Variants in LPP observed in about 807,000 individuals in gnomAD.
The protein encoded by LPP is LIM domain containing preferred translocation partner in lipoma, also known as lipoma-preferred partner.
In LPP, 38 loss-of-function variants were observed where a neutral mutation model predicts 60.4. The observed-to-expected ratio is 0.63, with a 90% CI of 0.49 to 0.83. LPP has a LOEUF of 0.83. Among genes scored for constraint, LPP ranks in the 40% least tolerant of loss-of-function variants. The pLI is 0.00. For missense variants in LPP, 902 were observed against 783.6 expected, an observed-to-expected ratio of 1.15 and a Z score of -1.80; for synonymous variants, 328 against 290.8, an observed-to-expected ratio of 1.13 and a Z score of -1.30.
intron 1 of LPP, among the ~76,000 whole-genome samples, chr3:188,186,021 C>A (rs574614307): frequency 2.4e-4 from 37 of 152,254 alleles, no homozygotes; most frequent in Middle Eastern, 3.4e-3. Flanking sequence ...GAGTGTCAGG[C>A]CTGCGGCTTC....
chr3:188,555,771 C>T (rs145015552), intron 6 of LPP, among the ~76,000 whole-genome samples: 60 of 152,040 alleles, frequency 3.9e-4, no homozygotes, highest in South Asian at 1.9e-3. Flanking sequence ...TTTAGAGATT[C>T]GAGTATTGGT....
intron 1 of LPP, among the ~76,000 whole-genome samples, chr3:188,196,392 T>C (rs530650924): frequency 6.6e-6 from 1 of 152,296 alleles, no homozygotes; most frequent in African/African-American, 2.4e-5. Context: ...CTGGGACTCA[T>C]TCCGGATGGC....
At chr3:188,721,448 T>C (rs2137557) in intron 8 of LPP, among the ~76,000 whole-genome samples, 104,567 of 151,944 alleles carry the variant, frequency 0.69, 36,011 homozygotes, top group Middle Eastern at 0.78. Flanking sequence ...CAGCTACTCA[T>C]GAGGCTGAGA....
chr3:188,390,460 T>C (rs1171804914), intron 3 of LPP, among the ~76,000 whole-genome samples: 2 of 152,122 alleles, frequency 1.3e-5, no homozygotes, highest in African/African-American at 4.8e-5. Flanking sequence ...AGTATTTCAC[T>C]TGATCAGCAT....
intron 1 of LPP, among the ~76,000 whole-genome samples, chr3:188,211,148 C>T (rs1734588417): frequency 6.6e-6 from 1 of 152,134 alleles, no homozygotes; most frequent in South Asian, 2.1e-4. Context: ...ATGATTGGAC[C>T]ATTTCTAGAT....
Position 188,282,773 on chromosome 3 carries a change from T to G in LPP, c.-67+57246T>G, listed in dbSNP as rs113005762. Among the ~76,000 whole-genome samples the G allele has an allele frequency of 2.6e-3, 394 of 152,306 alleles. 11 individuals are homozygous for G. The highest frequency in any genetic ancestry group is 9.0e-3 in the African/African-American group (374 of 41,560). Reference sequence around the variant, plus strand: ...TTCCACCTTCTCAGAAACATCTGACTTCACATTTGGTGTCAGTCTCTCTCC... The same window carrying G: ...TTCCACCTTCTCAGAAACATCTGACGTCACATTTGGTGTCAGTCTCTCTCC... On this transcript the variant is annotated intron_variant, in intron 2 of 11. Coordinates refer to ENST00000617246, the MANE Select transcript of LPP (RefSeq NM_001375462.1).
intron 2 of LPP, among the ~76,000 whole-genome samples, chr3:188,309,441 A>C (rs771224587): frequency 1.3e-5 from 2 of 152,218 alleles, no homozygotes; most frequent in Admixed American, 1.3e-4. Context: ...GGCTATGGGC[A>C]TGATGACAGT....
intron 1 of LPP, among the ~76,000 whole-genome samples, chr3:188,189,924 G>A (rs965889025): frequency 3.6e-4 from 55 of 152,136 alleles, no homozygotes; most frequent in Non-Finnish European, 1.6e-4. Flanking sequence ...TTGGGGGACA[G>A]GGAATGAAAG....
chr3:188,598,588 A>G (rs1373735467), intron 6 of LPP, among the ~76,000 whole-genome samples: 2 of 152,172 alleles, frequency 1.3e-5, no homozygotes, highest in African/African-American at 4.8e-5. Flanking sequence ...CTTGAAACAT[A>G]ACTGATTTAT....
intron 1 of LPP, among the ~76,000 whole-genome samples, chr3:188,173,171 T>G (rs1048449181): frequency 6.6e-6 from 1 of 152,144 alleles, no homozygotes; most frequent in African/African-American, 2.4e-5. Context: ...GCCTGGCCCA[T>G]ATTCCTTAAT....
intron 9 of LPP, among the ~76,000 whole-genome samples, chr3:188,763,678 G>T (rs13095801): frequency 0.017 from 2,593 of 151,804 alleles, 49 homozygotes; most frequent in Non-Finnish European, 0.028. Flanking sequence ...TTCATTTTTA[G>T]ATTTTTATCT....
chr3:188,179,094 CAGAGAGAGAG>C (rs151265768), intron 1 of LPP: 2 of 264,400 alleles, frequency 7.6e-6, no homozygotes, highest in South Asian at 2.8e-5. Flanking sequence ...GGGAGAGAGA[CAGAGAGAGAG>C]AGAGAGAGAG....
intron 6 of LPP, among the ~76,000 whole-genome samples, chr3:188,548,008 T>C (rs554380169): frequency 6.6e-6 from 1 of 152,310 alleles, no homozygotes; most frequent in South Asian, 2.1e-4. Context: ...AGAAAAGACC[T>C]AATGCTTATT....
intron 4 of LPP, among the ~76,000 whole-genome samples, chr3:188,410,696 G>C (rs1327722250): frequency 6.6e-6 from 1 of 151,934 alleles, no homozygotes; most frequent in Non-Finnish European, 1.5e-5. Context: ...TCAATGCTTT[G>C]TGCTTACGAA....
Position 188,887,899 on chromosome 3 carries a change from G to C in LPP, c.*13420G>C, listed in dbSNP as rs1330918632. 2 of 210,432 alleles carry C rather than the reference G, an allele frequency of 9.5e-6. No homozygotes were observed. Among genetic ancestry groups the C allele is most frequent in the African/African-American group, 4.5e-5 (2 of 44,036 alleles). 13.0% of individuals were successfully genotyped at this position (210,432 alleles called of 1,614,324 possible). On this transcript the variant is annotated 3_prime_UTR_variant, in exon 12 of 12. Coordinates refer to ENST00000617246, the MANE Select transcript of LPP (RefSeq NM_001375462.1). ...TATCCAAGACTCATTTCTTTATTAG[G>C]CAAAGTCAGAATATTTCCCCTCTGA...
chr3:188,390,579 G>A (rs554884953), intron 3 of LPP, among the ~76,000 whole-genome samples: 3 of 151,138 alleles, frequency 2.0e-5, no homozygotes, highest in East Asian at 3.9e-4. Context: ...CTGCTGGACC[G>A]GGTGCCAGAA....
chr3:188,203,499 ATAAATATATATATT>A (rs1289012147), intron 1 of LPP, among the ~76,000 whole-genome samples: 1 of 63,218 alleles, frequency 1.6e-5, no homozygotes, highest in Non-Finnish European at 2.8e-5. Flanking sequence ...TTAAATATAT[ATAAATATATATATT>A]TAAATATATA....
chr3:188,654,384 C>T (rs2149012883), intron 7 of LPP, among the ~76,000 whole-genome samples: 1 of 152,270 alleles, frequency 6.6e-6, no homozygotes, highest in East Asian at 1.9e-4. Context: ...GGAGATAGAA[C>T]ATTCTGGAAA....
intron 2 of LPP, among the ~76,000 whole-genome samples, chr3:188,233,726 C>T (rs1002319728): frequency 2.4e-4 from 37 of 152,258 alleles, no homozygotes; most frequent in African/African-American, 8.7e-4. Context: ...ACTTTTCCTT[C>T]TACTCCTGTT....
Sources: gnomAD v4.1 joint callset for allele counts (sites outside exome capture counted in the v4.1 genomes callset) on GRCh38, gnomAD v4.1.1 for gene constraint, MANE v1.5 for transcripts, NCBI Gene and HGNC (gene_info 2026-07-23, HGNC 2026-07-21) for gene names.